TM2D1: variants seen among roughly 807,000 people sequenced by gnomAD.
The protein encoded by TM2D1 is TM2 domain-containing protein 1.
Under a neutral mutation model 28.4 loss-of-function variants are expected in TM2D1, and 15 were observed. The observed-to-expected ratio is 0.53, with a 90% CI of 0.35 to 0.81. TM2D1 has a LOEUF of 0.81. Among genes scored for constraint, TM2D1 ranks in the 40% least tolerant of loss-of-function variants. The pLI, the probability that TM2D1 is intolerant of heterozygous loss-of-function variation, is 0.01. For missense variants in TM2D1, 236 were observed against 254.9 expected (o/e 0.93, Z 0.50); for synonymous variants, 93 against 96.2 (o/e 0.97, Z 0.20).
chr1:61,687,367 C>T (rs1279882761), intron 5 of TM2D1, among the ~76,000 whole-genome samples: 2 of 152,140 alleles, frequency 1.3e-5, no homozygotes, highest in Non-Finnish European at 2.9e-5. Context: ...ATTAATGCCA[C>T]TAACTGTACA....
intron 5 of TM2D1, among the ~76,000 whole-genome samples, chr1:61,691,932 A>AAAAAAAATATATATATATATAT: frequency 7.9e-5 from 6 of 76,390 alleles, no homozygotes; most frequent in African/African-American, 9.4e-5. Flanking sequence ...AAAAAAAAAA[A>AAAAAAAATATATATATATATAT]ATATATATAT....
rs1468086920 is a variant in TM2D1 at position 61,700,907 on chromosome 1, G to C, written c.439+27C>G. The C allele has an allele frequency of 4.6e-6, 7 of 1,523,276 alleles. No individual in the cohort carries two copies. In the South Asian group the frequency reaches 7.1e-5, roughly 16 times the overall value. The allele number at this position is 1,523,276 out of a possible 1,614,324, so 94.4% of individuals were successfully genotyped here. On this transcript the variant is annotated intron_variant, in intron 4 of 6. Coordinates refer to ENST00000606498, the MANE Select transcript of TM2D1 (RefSeq NM_032027.3). ...TGAACTAAAATATAGGTTTCATAAG[G>C]ATTTTTTTTTAATGAAACATACGCA...
chr1:61,712,766 G>A (rs903361151), intron 2 of TM2D1, among the ~76,000 whole-genome samples: 2 of 152,116 alleles, frequency 1.3e-5, no homozygotes, highest in Non-Finnish European at 2.9e-5. Context: ...TCTTCAAAGT[G>A]GACTCTAAAC....
chr1:61,716,417 ATATAATTATATATAAGTG>A (rs548369790), intron 2 of TM2D1, among the ~76,000 whole-genome samples: 2,097 of 146,046 alleles, frequency 0.014, 45 homozygotes, highest in African/African-American at 0.049. Context: ...TTATATATGT[ATATAATTATATATAAGTG>A]TATAATTATA....
intron 2 of TM2D1, among the ~76,000 whole-genome samples, chr1:61,720,088 T>A (rs1352987688): frequency 3.3e-5 from 5 of 152,164 alleles, no homozygotes; most frequent in Non-Finnish European, 7.3e-5. Flanking sequence ...CATACTATAC[T>A]TTAATACAAA....
chr1:61,716,734 ATCAAT>A (rs1644525437), intron 2 of TM2D1, among the ~76,000 whole-genome samples: 1 of 151,766 alleles, frequency 6.6e-6, no homozygotes, highest in African/African-American at 2.4e-5. Flanking sequence ...TATGAAATTA[ATCAAT>A]TCAAAAGAAG....
At chr1:61,701,051 C>T (rs1557531422) in intron 3 of TM2D1, 26 bp from the exon 4 acceptor site, 2 of 1,554,510 alleles carry the variant, frequency 1.3e-6, no homozygotes, top group Admixed American at 1.8e-5. Flanking sequence ...ATCTGAGTAT[C>T]ATATTTCCAA....
intron 2 of TM2D1, among the ~76,000 whole-genome samples, chr1:61,713,830 C>G (rs1644496767): frequency 1.3e-5 from 2 of 151,236 alleles, no homozygotes; most frequent in Non-Finnish European, 1.5e-5. Context: ...CAGAAATGCA[C>G]TGTTTTTTTG....
intron 2 of TM2D1, among the ~76,000 whole-genome samples, chr1:61,710,493 TATACACACATACAC>T (rs1644470768): frequency 7.7e-5 from 4 of 51,638 alleles, no homozygotes; most frequent in East Asian, 1.8e-3. Context: ...CACACACACA[TATACACACATACAC>T]ACACACACAC....
rs1042627912 is a variant in TM2D1, at chr1:61,686,824, G to A, written c.514-3278C>T. ...AATATCCCATACTGGATGGGAGGCT[G>A]AGGCAGGAAGATTGTTTGAACCCAG... is the stretch of plus-strand genomic sequence containing the variant. On this transcript the variant is annotated intron_variant, in intron 5 of 6. Transcript: ENST00000606498. The A allele has an allele frequency of 8.2e-6, 8 of 974,712 alleles. No individual in the cohort carries two copies. The African/African-American group carries it at 1.1e-4, about 13-fold the overall frequency. 60.4% of individuals were successfully genotyped at this position (974,712 alleles called of 1,614,324 possible).
At position 61,686,879 on chromosome 1, in the gene TM2D1, C is replaced by T. The variant is rs751976816; in HGVS notation, c.514-3333G>A. ...TCGAGGCTGCAATGAGTTATGATCA[C>T]GCCACTGCACTCCAGCCTGGGCAAC... On this transcript the variant is annotated intron_variant, in intron 5 of 6. Transcript: ENST00000606498. 113 of 933,746 alleles carry T rather than the reference C, an allele frequency of 1.2e-4. 1 individual carries two copies. The highest frequency in any genetic ancestry group is 1.3e-4 in the African/African-American group (7 of 55,974). The allele number at this position is 933,746 out of a possible 1,614,324, so 57.8% of individuals were successfully genotyped here.
At chr1:61,696,149 A>T (rs1151766) in intron 4 of TM2D1, 124 of 152,316 alleles carry the variant, frequency 8.1e-4, no homozygotes, top group African/African-American at 3.0e-3. Context: ...GGTTTTATCC[A>T]GCGTATTTCA....
intron 2 of TM2D1, among the ~76,000 whole-genome samples, chr1:61,722,752 G>A (rs1570134040): frequency 6.6e-6 from 1 of 152,112 alleles, no homozygotes; most frequent in African/African-American, 2.4e-5. Flanking sequence ...CTTTGAAGTT[G>A]TTTATATCAT....
chr1:61,713,911 C>A (rs1363681098), intron 2 of TM2D1, among the ~76,000 whole-genome samples: 3 of 114,594 alleles, frequency 2.6e-5, no homozygotes, highest in South Asian at 2.8e-4. Flanking sequence ...TTTTTTGAGA[C>A]GGAGTCTCGC....
At chr1:61,704,557 G>A (rs374209886) in intron 3 of TM2D1, among the ~76,000 whole-genome samples, 11 of 151,772 alleles carry the variant, frequency 7.2e-5, no homozygotes, top group African/African-American at 1.9e-4. Flanking sequence ...TCAGCCTCCC[G>A]CGTAGCTAGG....
intron 5 of TM2D1, among the ~76,000 whole-genome samples, chr1:61,685,672 G>A (rs903814103): frequency 6.6e-6 from 1 of 152,180 alleles, no homozygotes; most frequent in Admixed American, 6.5e-5. Flanking sequence ...GTGCTGTTAT[G>A]CACATTGACT....
chr1:61,693,931 T>C (rs1008674520), intron 5 of TM2D1, among the ~76,000 whole-genome samples: 1 of 152,232 alleles, frequency 6.6e-6, no homozygotes, highest in African/African-American at 2.4e-5. Context: ...CAATCAGTTC[T>C]ACATAATTTA....
chr1:61,724,889 G>C (rs1269845956), intron 1 of TM2D1, 68 bp downstream of exon 1: 2 of 1,491,426 alleles, frequency 1.3e-6, no homozygotes, highest in South Asian at 1.3e-5. Flanking sequence ...CAGTCCTGAC[G>C]GCAGCGACCC....
chr1:61,702,143 T>C (rs186047983), intron 3 of TM2D1, among the ~76,000 whole-genome samples: 154 of 151,782 alleles, frequency 1.0e-3, no homozygotes, highest in African/African-American at 3.6e-3. Flanking sequence ...TAAGCCAAGA[T>C]TGCACCACTG....
Sources: gnomAD v4.1 joint callset for allele counts (sites outside exome capture counted in the v4.1 genomes callset) on GRCh38, gnomAD v4.1.1 for gene constraint, MANE v1.5 for transcripts, NCBI Gene and HGNC (gene_info 2026-07-23, HGNC 2026-07-21) for gene names.